DNAI4: variants seen among roughly 807,000 people sequenced by gnomAD.
DNAI4 encodes WD repeat domain 78.
In DNAI4, 85 loss-of-function variants were observed where a neutral mutation model predicts 105.8. That is an observed-to-expected ratio of 0.80 (90% CI 0.67 to 0.96). The LOEUF (loss-of-function observed/expected upper bound fraction) is 0.96. Ranked by LOEUF, DNAI4 falls within the 40% of genes least tolerant of loss-of-function variation. DNAI4 has a pLI of 0.00. For synonymous variants in DNAI4, 352 were observed against 331.5 expected (o/e 1.06, Z -0.67); for missense variants, 1,014 against 1,005.6 (o/e 1.01, Z -0.11).
chr1:66,886,466 T>C (rs974787411), intron 4 of DNAI4, among the ~76,000 whole-genome samples: 3 of 152,192 alleles, frequency 2.0e-5, no homozygotes, highest in Non-Finnish European at 4.4e-5. Context: ...AGCAGAAGAA[T>C]TGATAGCACT....
In DNAI4 at chr1:66,833,724, C is replaced by T; in HGVS notation, c.1892-18G>A. On this transcript the variant is annotated intron_variant, in intron 12 of 16. Transcript: ENST00000371026. Reference sequence around the variant, plus strand: ...CATCAAATCTGTATTTAAAGAAAAACATATATAACTTGTTATTTACCACAT... The same window carrying T: ...CATCAAATCTGTATTTAAAGAAAAATATATATAACTTGTTATTTACCACAT... 1 of 1,607,414 alleles carries T rather than the reference C, an allele frequency of 6.2e-7. No homozygotes were observed. Among genetic ancestry groups the T allele is most frequent in the African/African-American group, 1.3e-5 (1 of 74,436 alleles).
chr1:66,893,032 G>GAA (rs1647879580), intron 3 of DNAI4, among the ~76,000 whole-genome samples, 197 bp downstream of exon 3: 1 of 93,018 alleles, frequency 1.1e-5, no homozygotes, highest in Admixed American at 1.1e-4. Context: ...GAAAGAAAGA[G>GAA]AGGAAAGAAA....
intron 1 of DNAI4, among the ~76,000 whole-genome samples, chr1:66,907,398 C>T (rs897400935): frequency 6.6e-6 from 1 of 152,036 alleles, no homozygotes; most frequent in Admixed American, 6.5e-5. Flanking sequence ...CACTCTTTTG[C>T]CATTACCTTC....
chr1:66,870,474 G>T (rs1289241052), intron 6 of DNAI4, among the ~76,000 whole-genome samples: 1 of 149,626 alleles, frequency 6.7e-6, no homozygotes. Context: ...TAACCAGCTG[G>T]GCACAGTGGC....
intron 16 of DNAI4, among the ~76,000 whole-genome samples, chr1:66,820,684 G>T (rs2100319906): frequency 6.6e-6 from 1 of 152,060 alleles, no homozygotes; most frequent in South Asian, 2.1e-4. Flanking sequence ...AGTAGAGGTT[G>T]CAATTTTAAA....
At chr1:66,842,976 T>C (rs1003296766) in intron 8 of DNAI4, among the ~76,000 whole-genome samples, 1 of 151,616 alleles carries the variant, frequency 6.6e-6, no homozygotes. Flanking sequence ...GGTGGGAGGG[T>C]AGCTTGAGTT....
At chr1:66,849,787 C>T (rs1646356761) in intron 7 of DNAI4, among the ~76,000 whole-genome samples, 1 of 151,882 alleles carries the variant, frequency 6.6e-6, no homozygotes, top group African/African-American at 2.4e-5. Context: ...AAATTTAAAA[C>T]TCAATGGATG....
intron 1 of DNAI4, among the ~76,000 whole-genome samples, chr1:66,922,606 A>G (rs1650575728): frequency 1.3e-5 from 2 of 152,208 alleles, no homozygotes; most frequent in South Asian, 4.1e-4. Flanking sequence ...TTAGGTGGGT[A>G]TCACAATGTA....
At chr1:66,836,312 GAA>G (rs1440506137) in intron 10 of DNAI4, among the ~76,000 whole-genome samples, 11 of 146,962 alleles carry the variant, frequency 7.5e-5, no homozygotes, top group Admixed American at 1.4e-4. Flanking sequence ...AAGAAAGAAA[GAA>G]AGAAAGAAAG....
rs143524138 is a variant in DNAI4 at position 66,826,820 on chromosome 1, G to A, written c.2339C>T (p.Thr780Ile). The A allele has an allele frequency of 1.2e-4, 199 of 1,613,084 alleles. 1 individual carries two copies. The highest frequency in any genetic ancestry group is 1.1e-3 in the South Asian group (102 of 90,924). Residue 780 changes from threonine to isoleucine, a missense_variant and splice_region_variant, in exon 15 of 17, where the codon ACT becomes ATT. Thr to Ile is a moderately conservative substitution (Grantham distance 89, BLOSUM62 -1). Coordinates refer to ENST00000371026, the MANE Select transcript of DNAI4 (RefSeq NM_024763.5). ...RVEIWDLHIS[T>I]LDPLIVNTAN... ...TTATGCAAGAAAAATAGTAACTTACGTGCTGATATGAAGGTCCCAAATCTC... is the reference window on the plus strand; with the variant it reads ...TTATGCAAGAAAAATAGTAACTTACATGCTGATATGAAGGTCCCAAATCTC...
At chr1:66,916,457 C>T (rs1174592793) in intron 1 of DNAI4, among the ~76,000 whole-genome samples, 2 of 152,172 alleles carry the variant, frequency 1.3e-5, no homozygotes, top group Admixed American at 6.5e-5. Context: ...AGCCTTATCT[C>T]CAGGCCCCAT....
chr1:66,826,711 A>T, intron 15 of DNAI4, 109 bp downstream of exon 15: 2 of 903,120 alleles, frequency 2.2e-6, no homozygotes, highest in Non-Finnish European at 3.4e-6. Flanking sequence ...ATAAACTATT[A>T]CTTCTTTTAA....
chr1:66,919,117 C>A, intron 1 of DNAI4: 1 of 443,980 alleles, frequency 2.3e-6, no homozygotes, highest in South Asian at 1.6e-5. Flanking sequence ...TCATGCCTCC[C>A]TAAAATGTAT....
In DNAI4 at chr1:66,862,317, A is replaced by T. The variant is rs1395607911; in HGVS notation, c.941-15T>A. 8 of 1,598,702 alleles carry T rather than the reference A, an allele frequency of 5.0e-6. No homozygotes were observed. The Middle Eastern group carries it at 1.2e-3, about 233-fold the overall frequency. ...GGACATTATGCCTAGATAAAGACAC[A>T]GAAAGGTAAAAATTGTTTTAAACCA... On this transcript the variant is annotated splice_polypyrimidine_tract_variant and intron_variant, in intron 6 of 16. Coordinates refer to ENST00000371026, the MANE Select transcript of DNAI4 (RefSeq NM_024763.5).
At chr1:66,814,280 A>C in intron 16 of DNAI4, 100 bp from the exon 17 acceptor site, 1 of 819,324 alleles carries the variant, frequency 1.2e-6, no homozygotes, top group East Asian at 2.6e-5. Context: ...TTAGTGATAC[A>C]CATATCCAAT....
chr1:66,838,760 T>C (rs1446371776), intron 9 of DNAI4, among the ~76,000 whole-genome samples: 3 of 152,226 alleles, frequency 2.0e-5, no homozygotes, highest in Non-Finnish European at 4.4e-5. Context: ...CATTGACATA[T>C]CCCTATTTAT....
chr1:66,864,808 TC>T (rs1646697910), intron 6 of DNAI4, among the ~76,000 whole-genome samples: 1 of 152,118 alleles, frequency 6.6e-6, no homozygotes, highest in Non-Finnish European at 1.5e-5. Flanking sequence ...GCCACTGCAC[TC>T]CAGCCTGGGC....
chr1:66,865,628 G>C (rs907603093), intron 6 of DNAI4, among the ~76,000 whole-genome samples: 5 of 152,144 alleles, frequency 3.3e-5, no homozygotes, highest in Admixed American at 2.0e-4. Flanking sequence ...CCAGAATATA[G>C]GGAAGAATTA....
In DNAI4 at chr1:66,822,340, T is replaced by G. The variant is rs557465379; in HGVS notation, c.2496+21A>C. The G allele has an allele frequency of 1.4e-4, 214 of 1,575,796 alleles. 1 individual carries two copies. The South Asian group carries it at 1.6e-3, about 12-fold the overall frequency. On this transcript the variant is annotated intron_variant, in intron 16 of 16. Coordinates refer to ENST00000371026, the MANE Select transcript of DNAI4 (RefSeq NM_024763.5). ...AATAGACTAATAAAATGACACAAAT[T>G]TTTTTACTCTTGAGTCTTACCCGGC... is the stretch of plus-strand genomic sequence containing the variant.
Sources: allele counts gnomAD v4.1 joint callset (sites outside exome capture counted in the v4.1 genomes callset), GRCh38; gene constraint gnomAD v4.1.1; transcripts MANE v1.5; gene names NCBI Gene and HGNC (gene_info 2026-07-23, HGNC 2026-07-21).